Variants in TTC7B observed in about 807,000 individuals in gnomAD.
TTC7B encodes the protein tetratricopeptide repeat protein 7B.
TTC7B carries 28 observed loss-of-function variants against 106.8 expected under a neutral mutation model. That is an observed-to-expected ratio of 0.26 (90% CI 0.19 to 0.36). The LOEUF (loss-of-function observed/expected upper bound fraction) is 0.36, where lower values mean the gene tolerates loss of function less well. Among genes scored for constraint, TTC7B ranks in the 10% least tolerant of loss-of-function variants. The pLI is 1.00. For missense variants in TTC7B, 862 were observed against 1,076.4 expected, an observed-to-expected ratio of 0.80 and a Z score of 2.79; for synonymous variants, 405 against 430.6, an observed-to-expected ratio of 0.94 and a Z score of 0.74.
intron 9 of TTC7B, among the ~76,000 whole-genome samples, chr14:90,665,761 T>C (rs911635423): frequency 6.6e-6 from 1 of 152,222 alleles, no homozygotes; most frequent in African/African-American, 2.4e-5. Flanking sequence ...AGGTCAGCCA[T>C]ATCCTAAAAG....
In TTC7B at chr14:90,526,953, T is replaced by C. The variant is rs1188978695; in HGVS notation, c.*14415A>G. 1.3e-5 allele frequency: 2 copies of C among 152,244 alleles called. No homozygotes were observed. Among genetic ancestry groups the C allele is most frequent in the African/African-American group, 4.8e-5 (2 of 41,462 alleles). 9.4% of individuals were successfully genotyped at this position (152,244 alleles called of 1,614,324 possible). On this transcript the variant is annotated 3_prime_UTR_variant, in exon 20 of 20. Coordinates refer to ENST00000328459, the MANE Select transcript of TTC7B (RefSeq NM_001010854.2). ...TCATCCAGGACCCCGTACCACCTAATATTTAGCTATGTCTTCATGGGCTTC... is the reference window on the plus strand; with the variant it reads ...TCATCCAGGACCCCGTACCACCTAACATTTAGCTATGTCTTCATGGGCTTC...
rs1404628965 is a variant in TTC7B at position 90,595,603 on chromosome 14, TTAAA to T, written c.1967-1981_1967-1978del. 7.9e-5 allele frequency among the ~76,000 whole-genome samples: 12 copies of T among 152,252 alleles called. No individual in the cohort carries two copies. The East Asian group carries it at 2.1e-3, about 27-fold the overall frequency. ...CTGAGATTTTTAGTAGCAATGAAAG[TTAAA>T]TAAATGAGTAATCTAGAGGCTGTTG... On this transcript the variant is annotated intron_variant, in intron 17 of 19. Transcript: ENST00000328459.
chr14:90,680,975 AG>A (rs1190610019), intron 7 of TTC7B, among the ~76,000 whole-genome samples: 2 of 152,236 alleles, frequency 1.3e-5, no homozygotes, highest in South Asian at 4.1e-4. Flanking sequence ...AGAGATTAGA[AG>A]CAATTTTAGA....
intron 15 of TTC7B, among the ~76,000 whole-genome samples, chr14:90,627,524 T>C (rs552344393): frequency 5.9e-5 from 9 of 152,360 alleles, no homozygotes; most frequent in Non-Finnish European, 1.3e-4. Flanking sequence ...GATACCTCGT[T>C]CTTCAGAACT....
chr14:90,702,389 G>A lies in TTC7B; in HGVS notation c.699-6811C>T, dbSNP rs183097040. On this transcript the variant is annotated intron_variant, in intron 5 of 19. Transcript: ENST00000328459. Reference sequence around the variant, plus strand: ...GAGTAACTGTACCCACCTCACTGTCGTAAGAATTAAACTAGTCAGTAACAA... The same window carrying A: ...GAGTAACTGTACCCACCTCACTGTCATAAGAATTAAACTAGTCAGTAACAA... Among the ~76,000 whole-genome samples, 1,364 of 152,152 alleles carry A rather than the reference G, an allele frequency of 9.0e-3. 7 individuals are homozygous for A. The highest frequency in any genetic ancestry group is 0.013 in the Non-Finnish European group (917 of 68,008).
intron 14 of TTC7B, among the ~76,000 whole-genome samples, chr14:90,645,734 C>T (rs942746): frequency 0.62 from 93,885 of 152,048 alleles, 29,215 homozygotes; most frequent in East Asian, 0.85. Flanking sequence ...GGGATCAAAA[C>T]GATGTCTTTA....
At chr14:90,768,791 A>G (rs556942345) in intron 3 of TTC7B, among the ~76,000 whole-genome samples, 5 of 152,388 alleles carry the variant, frequency 3.3e-5, no homozygotes, top group Non-Finnish European at 7.3e-5. Flanking sequence ...AAGTGAATAC[A>G]TTAGCAATTA....
intron 19 of TTC7B, among the ~76,000 whole-genome samples, chr14:90,560,004 T>C (rs1292550339): frequency 1.3e-5 from 2 of 152,238 alleles, no homozygotes; most frequent in Non-Finnish European, 1.5e-5. Context: ...CCCTCTGGAA[T>C]GGCAGAGAAC....
At position 90,599,209 on chromosome 14, in the gene TTC7B, GC is replaced by G. The variant is rs1278963377; in HGVS notation, c.1967-5584del. On this transcript the variant is annotated intron_variant, in intron 17 of 19. Coordinates refer to ENST00000328459, the MANE Select transcript of TTC7B (RefSeq NM_001010854.2). ...CTGATAAATTAAGTGGCTTAGTTAT[GC>G]TTCATATCCCTGTATTTGTCACACG... 2.6e-5 allele frequency among the ~76,000 whole-genome samples: 4 copies of G among 152,302 alleles called. No homozygotes were observed. In the East Asian group the frequency reaches 5.8e-4, roughly 22 times the overall value.
At chr14:90,607,346 C>A (rs566213267) in intron 17 of TTC7B, among the ~76,000 whole-genome samples, 1 of 152,170 alleles carries the variant, frequency 6.6e-6, no homozygotes, top group African/African-American at 2.4e-5. Flanking sequence ...TGCACCCTCA[C>A]GGATGCTAAC....
chr14:90,670,870 C>T (rs541865760), intron 9 of TTC7B, among the ~76,000 whole-genome samples: 3 of 152,302 alleles, frequency 2.0e-5, no homozygotes, highest in East Asian at 3.9e-4. Flanking sequence ...CCATTTTCCA[C>T]TCAATGACCT....
At chr14:90,695,362 A>T in intron 6 of TTC7B, 138 bp downstream of exon 6, 1 of 247,756 alleles carries the variant, frequency 4.0e-6, no homozygotes, top group Non-Finnish European at 7.0e-6. Flanking sequence ...ATATATGTAT[A>T]ATGCATATAT....
At chr14:90,711,416 G>A (rs1339528805) in intron 5 of TTC7B, among the ~76,000 whole-genome samples, 1 of 152,172 alleles carries the variant, frequency 6.6e-6, no homozygotes, top group African/African-American at 2.4e-5. Context: ...ATAATCCATA[G>A]AGAAAACAGA....
At chr14:90,594,948 G>A (rs534079750) in intron 17 of TTC7B, among the ~76,000 whole-genome samples, 42 of 152,298 alleles carry the variant, frequency 2.8e-4, no homozygotes, top group Non-Finnish European at 5.6e-4. Context: ...AGAGTGGGCC[G>A]ACAGTGCCCA....
chr14:90,670,338 A>G (rs970106789), intron 9 of TTC7B, among the ~76,000 whole-genome samples: 1 of 152,232 alleles, frequency 6.6e-6, no homozygotes, highest in Admixed American at 6.5e-5. Context: ...AGAGTTTACT[A>G]GGGTATCGGG....
rs2139750818 is a variant in TTC7B, at chr14:90,532,297, T to C, written c.*9071A>G. ...TGGACAACATATTAAAGAAAGAAAC[T>C]CTGGAGATAATTTAAAGTTGATCCC... On this transcript the variant is annotated 3_prime_UTR_variant, in exon 20 of 20. Coordinates refer to ENST00000328459, the MANE Select transcript of TTC7B (RefSeq NM_001010854.2). 1 of 152,320 alleles carries C rather than the reference T, an allele frequency of 6.6e-6. No homozygotes were observed. The highest frequency in any genetic ancestry group is 2.4e-5 in the African/African-American group (1 of 41,566). The allele number at this position is 152,320 out of a possible 1,614,324, so 9.4% of individuals were successfully genotyped here. A position where few individuals can be genotyped will look rare whatever the true frequency, so the allele number is the denominator to read the frequency against.
chr14:90,582,405 C>A (rs1891537544), intron 18 of TTC7B, among the ~76,000 whole-genome samples: 1 of 152,254 alleles, frequency 6.6e-6, no homozygotes, highest in African/African-American at 2.4e-5. Flanking sequence ...ATAGCTCTCC[C>A]AGGGCAGTGG....
At position 90,780,321 on chromosome 14, in the gene TTC7B, C is replaced by T. The variant is rs558253089; in HGVS notation, c.445+417G>A. Among the ~76,000 whole-genome samples the T allele has an allele frequency of 1.1e-4, 16 of 151,020 alleles. No individual in the cohort carries two copies. The East Asian group carries it at 1.8e-3, about 17-fold the overall frequency. ...ACTTAAACCTGGGAGGCGGAGGTTG[C>T]GGTAAGCCAAGATCACACCATTGCA... On this transcript the variant is annotated intron_variant, in intron 3 of 19. Transcript: ENST00000328459.
At chr14:90,719,102 AAAC>A (rs1383973668) in intron 5 of TTC7B, among the ~76,000 whole-genome samples, 4 of 152,128 alleles carry the variant, frequency 2.6e-5, no homozygotes, top group Admixed American at 2.0e-4. Context: ...CGCTACAAAC[AAAC>A]AAACAAACAA....
Sources: allele counts gnomAD v4.1 joint callset (sites outside exome capture counted in the v4.1 genomes callset), GRCh38; gene constraint gnomAD v4.1.1; transcripts MANE v1.5; gene names NCBI Gene and HGNC (gene_info 2026-07-23, HGNC 2026-07-21).